Variants in PPEF2 observed in about 807,000 individuals in gnomAD.
The protein encoded by PPEF2 is serine/threonine-protein phosphatase with EF-hands 2.
In PPEF2, 84 loss-of-function variants were observed where a neutral mutation model predicts 84.7. The ratio of observed to expected loss-of-function variants is 0.99; its 90% confidence interval spans 0.83 to 1.19. The LOEUF (loss-of-function observed/expected upper bound fraction) is 1.19. Among genes scored for constraint, PPEF2 ranks in the 50% most tolerant of loss-of-function variants. The pLI is 0.00. For missense variants in PPEF2, 924 were observed against 937.5 expected, an observed-to-expected ratio of 0.99 and a Z score of 0.19; for synonymous variants, 346 against 345.2, an observed-to-expected ratio of 1.00 and a Z score of -0.03.
At chr4:75,883,869 C>A (rs779304162) in intron 8 of PPEF2, among the ~76,000 whole-genome samples, 2 of 145,986 alleles carry the variant, frequency 1.4e-5, no homozygotes, top group African/African-American at 5.1e-5. Context: ...GTGGCTCATG[C>A]GTGTTATCCC....
chr4:75,865,606 G>A (rs1024333221), intron 15 of PPEF2, among the ~76,000 whole-genome samples: 7 of 151,934 alleles, frequency 4.6e-5, no homozygotes, highest in South Asian at 2.1e-4. Flanking sequence ...GGCTGGTCTC[G>A]AACTCCTGGC....
intron 2 of PPEF2, among the ~76,000 whole-genome samples, chr4:75,895,127 ATT>A (rs34515110): frequency 1.4e-3 from 180 of 129,222 alleles, no homozygotes; most frequent in Admixed American, 2.8e-3. Flanking sequence ...CAGCTAATTA[ATT>A]TTTTTTTTTT....
chr4:75,900,974 A>G (rs1162059811), intron 1 of PPEF2, among the ~76,000 whole-genome samples: 2 of 152,216 alleles, frequency 1.3e-5, no homozygotes, highest in Non-Finnish European at 2.9e-5. Flanking sequence ...ATAAAAATGA[A>G]AGACTATACA....
At chr4:75,899,221 T>C (rs534926969) in intron 1 of PPEF2, among the ~76,000 whole-genome samples, 1 of 152,238 alleles carries the variant, frequency 6.6e-6, no homozygotes, top group East Asian at 1.9e-4. Context: ...AGTATTCCAC[T>C]GTACATATAT....
intron 13 of PPEF2, among the ~76,000 whole-genome samples, chr4:75,868,315 C>CAAAAAAAAAAAAAAAAAAAAAAAAA (rs10646136): frequency 1.8e-5 from 1 of 55,708 alleles, no homozygotes; most frequent in Non-Finnish European, 3.1e-5. Flanking sequence ...GACCCTGTCT[C>CAAAAAAAAAAAAAAAAAAAAAAAAA]AAAAAAAAAA....
At chr4:75,867,550 G>A (rs772136417) in intron 13 of PPEF2, 131 bp from the exon 14 acceptor site, 7 of 621,106 alleles carry the variant, frequency 1.1e-5, no homozygotes, top group South Asian at 2.0e-5. Flanking sequence ...GAGGGAGAGC[G>A]CCTTTACTCT....
chr4:75,860,466 T>C lies in PPEF2; in HGVS notation c.*201A>G. Reference sequence around the variant, plus strand: ...ACTTTGTGAAGATTGTGAGGTGGGGTTGGGGCACTCATATACTTAAAACAC... The same window carrying C: ...ACTTTGTGAAGATTGTGAGGTGGGGCTGGGGCACTCATATACTTAAAACAC... On this transcript the variant is annotated 3_prime_UTR_variant, in exon 17 of 17. Coordinates refer to ENST00000286719, the MANE Select transcript of PPEF2 (RefSeq NM_006239.3). 1 of 615,248 alleles carries C rather than the reference T, an allele frequency of 1.6e-6. No individual in the cohort carries two copies. The highest frequency in any genetic ancestry group is 2.8e-5 in the East Asian group (1 of 35,598). The allele number at this position is 615,248 out of a possible 1,614,324, so 38.1% of individuals were successfully genotyped here.
chr4:75,881,895 T>G (rs1276873355), intron 10 of PPEF2: 1 of 152,190 alleles, frequency 6.6e-6, no homozygotes, highest in Non-Finnish European at 1.5e-5. Context: ...TCCATATCCA[T>G]TAGAATTGCC....
intron 14 of PPEF2, 104 bp downstream of exon 14, chr4:75,867,209 G>C: frequency 2.7e-6 from 2 of 752,056 alleles, no homozygotes; most frequent in South Asian, 2.1e-5. Context: ...GGGAACTTTG[G>C]GTCACTCATT....
chr4:75,863,375 C>T (rs1724051910), intron 16 of PPEF2, among the ~76,000 whole-genome samples: 2 of 151,246 alleles, frequency 1.3e-5, no homozygotes, highest in South Asian at 4.2e-4. Flanking sequence ...TGGCACACGC[C>T]TGTAGTCCTA....
rs1724297536 is a variant in PPEF2 at position 75,872,150 on chromosome 4, A to G, written c.1524T>C (p.Ser508=). 4.3e-6 allele frequency: 7 copies of G among 1,613,542 alleles called. No homozygotes were observed. The highest frequency in any genetic ancestry group is 5.9e-6 in the Non-Finnish European group (7 of 1,179,898). The change falls in exon 13 of 17, where the codon TCT becomes TCC. Residue 508 remains serine (S), a synonymous_variant. Coordinates refer to ENST00000286719, the MANE Select transcript of PPEF2 (RefSeq NM_006239.3). The part of the protein sequence containing the change: ...CHNRKVLTIF[S]ASNYYEVGSN... ...TGCCAACTTCATAGTAGTTGGAGGCAGAAAAGATTGTTAATACCTACATCA... is the reference window on the plus strand; with the variant it reads ...TGCCAACTTCATAGTAGTTGGAGGCGGAAAAGATTGTTAATACCTACATCA...
chr4:75,876,361 G>C lies in PPEF2; in HGVS notation c.1246C>G (p.Pro416Ala), dbSNP rs749904288. Residue 416 changes from proline to alanine, a missense_variant, in exon 11 of 17, where the codon CCC becomes GCC. Pro to Ala is a conservative substitution (Grantham distance 27). Coordinates refer to ENST00000286719, the MANE Select transcript of PPEF2 (RefSeq NM_006239.3). ...GLLVTGEKEE[P>A]SRSASEADSE... The stretch of plus-strand genomic sequence containing the variant: ...TCTGCTTCTGAGGCTGAGCGGGAGG[G>C]CTCCTCTTTCTCTCCGGTCACCAGG... The C allele has an allele frequency of 7.4e-6, 12 of 1,614,072 alleles. No homozygotes were observed. The highest frequency in any genetic ancestry group is 6.8e-6 in the Non-Finnish European group (8 of 1,180,032).
At chr4:75,884,513 C>G in intron 8 of PPEF2, 81 bp downstream of exon 8, 1 of 1,402,210 alleles carries the variant, frequency 7.1e-7, no homozygotes, top group Non-Finnish European at 9.6e-7. Context: ...AGGCATTTAA[C>G]AAATAAGAAG....
chr4:75,890,912 G>C (rs1419809178), intron 4 of PPEF2, among the ~76,000 whole-genome samples: 1 of 152,220 alleles, frequency 6.6e-6, no homozygotes, highest in Admixed American at 6.5e-5. Flanking sequence ...GCTTGGCTCA[G>C]TGGTTCACGC....
At chr4:75,875,823 G>A (rs908923051) in intron 11 of PPEF2, among the ~76,000 whole-genome samples, 1 of 152,082 alleles carries the variant, frequency 6.6e-6, no homozygotes, top group African/African-American at 2.4e-5. Context: ...TGGGGTGGCA[G>A]GGTGCCTCGC....
At chr4:75,897,446 G>A (rs1414677647) in intron 1 of PPEF2, among the ~76,000 whole-genome samples, 1 of 152,050 alleles carries the variant, frequency 6.6e-6, no homozygotes, top group Non-Finnish European at 1.5e-5. Flanking sequence ...CACATATTCA[G>A]CTCCCTGCTA....
chr4:75,874,278 C>A (rs1724355771), intron 11 of PPEF2, among the ~76,000 whole-genome samples: 1 of 151,576 alleles, frequency 6.6e-6, no homozygotes. Flanking sequence ...TGGTTATTGT[C>A]ATTTAATACT....
intron 4 of PPEF2, among the ~76,000 whole-genome samples, chr4:75,891,028 T>TA (rs1249082486): frequency 1.3e-5 from 2 of 151,806 alleles, no homozygotes; most frequent in Admixed American, 6.6e-5. Context: ...ACTAAACATA[T>TA]AAAAAATCAG....
At chr4:75,863,332 A>C (rs1382136756) in intron 16 of PPEF2, among the ~76,000 whole-genome samples, 1 of 18,138 alleles carries the variant, frequency 5.5e-5, no homozygotes, top group Non-Finnish European at 1.5e-4. Flanking sequence ...TCTACTAAAA[A>C]TACAAAAAAA....
Sources: gnomAD v4.1 joint callset for allele counts (sites outside exome capture counted in the v4.1 genomes callset) on GRCh38, gnomAD v4.1.1 for gene constraint, MANE v1.5 for transcripts, NCBI Gene and HGNC (gene_info 2026-07-23, HGNC 2026-07-21) for gene names.